SLC4A4: variants seen among roughly 807,000 people sequenced by gnomAD.
SLC4A4 encodes electrogenic sodium bicarbonate cotransporter 1.
SLC4A4 carries 27 observed loss-of-function variants against 111.5 expected under a neutral mutation model. The ratio of observed to expected loss-of-function variants is 0.24; its 90% CI spans 0.18 to 0.33. SLC4A4 has a LOEUF of 0.33. Ranked by LOEUF, SLC4A4 falls within the 10% of genes least tolerant of loss-of-function variation. The pLI, the probability that SLC4A4 is intolerant of heterozygous loss-of-function variation, is 1.00. For synonymous variants in SLC4A4, 443 were observed against 463.4 expected, an observed-to-expected ratio of 0.96 and a Z score of 0.57; for missense variants, 909 against 1,315.5, an observed-to-expected ratio of 0.69 and a Z score of 4.78.
At chr4:71,210,815 C>T (rs1170824900) in intron 1 of SLC4A4, among the ~76,000 whole-genome samples, 2 of 152,162 alleles carry the variant, frequency 1.3e-5, no homozygotes. Context: ...GTATCTTATT[C>T]ATTTTTTATG....
At chr4:71,418,879 G>T (rs551575318) in intron 7 of SLC4A4, among the ~76,000 whole-genome samples, 2 of 152,288 alleles carry the variant, frequency 1.3e-5, no homozygotes, top group African/African-American at 4.8e-5. Context: ...TGGTGTGGAT[G>T]TCCTTTCTCT....
At chr4:71,370,411 C>T (rs1424016056) in intron 6 of SLC4A4, among the ~76,000 whole-genome samples, 1 of 152,170 alleles carries the variant, frequency 6.6e-6, no homozygotes, top group East Asian at 1.9e-4. Flanking sequence ...AGCATTTCTT[C>T]TAATAAATTC....
chr4:71,382,434 C>T (rs1718241314), intron 6 of SLC4A4, among the ~76,000 whole-genome samples: 1 of 152,150 alleles, frequency 6.6e-6, no homozygotes, highest in Admixed American at 6.5e-5. Flanking sequence ...CTAATAGAAG[C>T]TATACATATT....
intron 1 of SLC4A4, among the ~76,000 whole-genome samples, chr4:71,089,209 A>C (rs1217030007): frequency 6.6e-6 from 1 of 151,974 alleles, no homozygotes; most frequent in Non-Finnish European, 1.5e-5. Context: ...AGGGTTGTGC[A>C]TTCGTCACAT....
intron 3 of SLC4A4, among the ~76,000 whole-genome samples, chr4:71,335,642 G>A (rs149670029): frequency 0.012 from 1,759 of 152,078 alleles, 36 homozygotes; most frequent in African/African-American, 0.04. Context: ...TGACTAACAC[G>A]GTGAAACCCC....
chr4:71,546,621 AG>A (rs1343932554), intron 19 of SLC4A4, 93 bp downstream of exon 19: 2 of 1,056,606 alleles, frequency 1.9e-6, no homozygotes, highest in East Asian at 5.1e-5. Flanking sequence ...TGGAGGAGAC[AG>A]GGCTTGTGAT....
chr4:71,320,148 T>G (rs1276911915), intron 3 of SLC4A4, among the ~76,000 whole-genome samples: 1 of 152,036 alleles, frequency 6.6e-6, no homozygotes, highest in East Asian at 1.9e-4. Flanking sequence ...TCCACACCAC[T>G]TGCAAGCAAC....
intron 13 of SLC4A4, among the ~76,000 whole-genome samples, chr4:71,466,966 G>GAGAGAGAGA (rs369970583): frequency 0.024 from 2,130 of 88,052 alleles, 235 homozygotes; most frequent in East Asian, 0.054. Context: ...AGAGAGAGAG[G>GAGAGAGAGA]GAGAGAGAGA....
chr4:71,419,720 C>A (rs1226159280), intron 7 of SLC4A4, among the ~76,000 whole-genome samples: 1 of 152,226 alleles, frequency 6.6e-6, no homozygotes, highest in Non-Finnish European at 1.5e-5. Context: ...CACCCACTAT[C>A]TGGCACTCCC....
chr4:71,516,794 T>C (rs1411890287), intron 16 of SLC4A4, among the ~76,000 whole-genome samples: 1 of 152,228 alleles, frequency 6.6e-6, no homozygotes, highest in Non-Finnish European at 1.5e-5. Context: ...TTGTGGTCTC[T>C]CCTATGTGTT....
intron 14 of SLC4A4, among the ~76,000 whole-genome samples, chr4:71,474,524 C>T (rs1430858417): frequency 6.6e-6 from 1 of 151,812 alleles, no homozygotes; most frequent in Non-Finnish European, 1.5e-5. Context: ...TTCTCTGCTA[C>T]GTTGGTGAAG....
At chr4:71,219,085 G>A (rs1402080873) in intron 1 of SLC4A4, among the ~76,000 whole-genome samples, 1 of 152,086 alleles carries the variant, frequency 6.6e-6, no homozygotes, top group Non-Finnish European at 1.5e-5. Context: ...GCCTCTAAGT[G>A]TTCAAGTGAA....
intron 12 of SLC4A4, among the ~76,000 whole-genome samples, chr4:71,455,493 G>GA (rs1310445045): frequency 1.3e-5 from 2 of 151,834 alleles, no homozygotes; most frequent in Non-Finnish European, 2.9e-5. Context: ...GATCGTTCAA[G>GA]AAAAAAAATG....
intron 16 of SLC4A4, among the ~76,000 whole-genome samples, chr4:71,499,563 T>C (rs1730715539): frequency 6.6e-6 from 1 of 152,136 alleles, no homozygotes; most frequent in Non-Finnish European, 1.5e-5. Context: ...TGATACTTTG[T>C]ACGCTTTGAC....
intron 2 of SLC4A4, among the ~76,000 whole-genome samples, chr4:71,113,909 T>G (rs941066319): frequency 1.3e-5 from 2 of 152,200 alleles, no homozygotes; most frequent in African/African-American, 4.8e-5. Flanking sequence ...ACAAAGTAAT[T>G]AGTAGTTATA....
chr4:71,510,488 A>G (rs1731814523), intron 16 of SLC4A4, among the ~76,000 whole-genome samples: 1 of 152,158 alleles, frequency 6.6e-6, no homozygotes, highest in East Asian at 1.9e-4. Flanking sequence ...CTTTATCATT[A>G]TATGATGACT....
intron 17 of SLC4A4, among the ~76,000 whole-genome samples, chr4:71,532,910 TA>T (rs1435183579): frequency 6.6e-6 from 1 of 152,184 alleles, no homozygotes; most frequent in African/African-American, 2.4e-5. Context: ...TTGTAATTAT[TA>T]CAAAGTAGAT....
chr4:71,435,918 GA>G (rs1167383857), intron 7 of SLC4A4, among the ~76,000 whole-genome samples: 1 of 152,224 alleles, frequency 6.6e-6, no homozygotes, highest in African/African-American at 2.4e-5. Flanking sequence ...ACAGGTGCTG[GA>G]GAGGATGTGG....
At chr4:71,193,252 C>A (rs1156792810) in intron 1 of SLC4A4, among the ~76,000 whole-genome samples, 1 of 152,196 alleles carries the variant, frequency 6.6e-6, no homozygotes, top group African/African-American at 2.4e-5. Flanking sequence ...CTCCGCCTCC[C>A]AGGTTCACGC....
Sources: gnomAD v4.1 joint callset for allele counts (sites outside exome capture counted in the v4.1 genomes callset) on GRCh38, gnomAD v4.1.1 for gene constraint, MANE v1.5 for transcripts, NCBI Gene and HGNC (gene_info 2026-07-23, HGNC 2026-07-21) for gene names.